Variants in CYTH3 observed in about 807,000 individuals in gnomAD.
CYTH3 encodes the protein cytohesin 3.
In CYTH3, 23 loss-of-function variants were observed where a neutral mutation model predicts 55.1. That is an observed-to-expected ratio of 0.42 (90% confidence interval 0.30 to 0.59). CYTH3 has a LOEUF of 0.59. CYTH3 is among the 20% of genes least tolerant of loss of function. The pLI is 0.20. For synonymous variants in CYTH3, 249 were observed against 194.9 expected, an observed-to-expected ratio of 1.28 and a Z score of -2.31; for missense variants, 413 against 524.8, an observed-to-expected ratio of 0.79 and a Z score of 2.08.
At chr7:6,268,207 T>C (rs1014596571) in intron 1 of CYTH3, among the ~76,000 whole-genome samples, 12 of 152,170 alleles carry the variant, frequency 7.9e-5, no homozygotes. Flanking sequence ...CTCACTCTGT[T>C]GCCCAGACTG....
At chr7:6,252,747 G>C (rs958986831) in intron 1 of CYTH3, among the ~76,000 whole-genome samples, 3 of 152,178 alleles carry the variant, frequency 2.0e-5, no homozygotes, top group African/African-American at 4.8e-5. Context: ...TTAAGGTTTA[G>C]TCTTCATCCA....
At position 6,171,654 on chromosome 7, in the gene CYTH3, G is replaced by A. The variant is rs549894557; in HGVS notation, c.450-340C>T. 2 of 287,296 alleles carry A rather than the reference G, an allele frequency of 7.0e-6. No individual in the cohort carries two copies. The highest frequency in any genetic ancestry group is 8.2e-5 in the Admixed American group (2 of 24,286). The allele number at this position is 287,296 out of a possible 1,614,324, so 17.8% of individuals were successfully genotyped here. On this transcript the variant is annotated intron_variant, in intron 6 of 12. Coordinates refer to ENST00000350796, the MANE Select transcript of CYTH3 (RefSeq NM_004227.4). The surrounding 1 kb of genome is among the most constrained non-coding windows in gnomAD (Gnocchi z 6.7). ...CTGCTGCTGCCAGGTGATCACCAGA[G>A]CCCTGCCTGTCCCGAGCTGCCACCA...
chr7:6,255,865 G>A (rs1236014007), intron 1 of CYTH3, among the ~76,000 whole-genome samples: 4 of 145,276 alleles, frequency 2.8e-5, no homozygotes, highest in Non-Finnish European at 1.5e-5. Flanking sequence ...CCAGGTTAAC[G>A]CGATTCTCCT....
rs1431636702 is a variant in CYTH3 at position 6,167,301 on chromosome 7, C to T, written c.824-1491G>A. Reference sequence around the variant, plus strand: ...AGACCCTGGGGGCAACCTGCCTTGTCCCACAGTCCTCCAGTGAGCAGTGAG... The same window carrying T: ...AGACCCTGGGGGCAACCTGCCTTGTTCCACAGTCCTCCAGTGAGCAGTGAG... On this transcript the variant is annotated intron_variant, in intron 9 of 12. Coordinates refer to ENST00000350796, the MANE Select transcript of CYTH3 (RefSeq NM_004227.4). The surrounding 1 kb of genome is among the most constrained non-coding windows in gnomAD (Gnocchi z 5.5). 6.6e-6 allele frequency among the ~76,000 whole-genome samples: 1 copy of T among 152,232 alleles called. No homozygotes were observed. Among genetic ancestry groups the T allele is most frequent in the East Asian group, 1.9e-4 (1 of 5,200 alleles).
chr7:6,173,314 G>C (rs777448766), intron 6 of CYTH3, among the ~76,000 whole-genome samples: 13 of 152,184 alleles, frequency 8.5e-5, no homozygotes, highest in Non-Finnish European at 1.5e-4. Flanking sequence ...GTGGAAGGAA[G>C]TAACCCCATG....
At chr7:6,221,814 T>C (rs1028906589) in intron 1 of CYTH3, among the ~76,000 whole-genome samples, 3 of 151,802 alleles carry the variant, frequency 2.0e-5, no homozygotes, top group East Asian at 3.9e-4. Flanking sequence ...TAGCCAGACA[T>C]AGTGAGGCGT....
At position 6,163,790 on chromosome 7, in the gene CYTH3, A is replaced by C. The variant is rs371568919; in HGVS notation, c.*1154T>G. ...CATGGGGTGAGACTGTTTTTAGTTA[A>C]TTCTGTGTCTATTCATTAAGAAATC... is the stretch of plus-strand genomic sequence containing the variant. On this transcript the variant is annotated 3_prime_UTR_variant, in exon 13 of 13. Coordinates refer to ENST00000350796, the MANE Select transcript of CYTH3 (RefSeq NM_004227.4). 1.8e-4 allele frequency: 28 copies of C among 152,274 alleles called. No homozygotes were observed. The highest frequency in any genetic ancestry group is 6.8e-3 in the Middle Eastern group (2 of 294). The allele number at this position is 152,274 out of a possible 1,614,324, so 9.4% of individuals were successfully genotyped here. A position where few individuals can be genotyped will look rare whatever the true frequency, so the allele number is the denominator to read the frequency against.
At chr7:6,180,835 T>G (rs1455967985) in intron 4 of CYTH3, among the ~76,000 whole-genome samples, 1 of 152,248 alleles carries the variant, frequency 6.6e-6, no homozygotes, top group Non-Finnish European at 1.5e-5. Context: ...GGTGTGGGTC[T>G]CAATCCAAAG....
intron 9 of CYTH3, among the ~76,000 whole-genome samples, chr7:6,166,289 C>G (rs1056995269): frequency 6.6e-6 from 1 of 152,256 alleles, no homozygotes; most frequent in African/African-American, 2.4e-5. Context: ...CACGTGCACA[C>G]GCACGTACCC....
chr7:6,185,208 C>T (rs1223371167), intron 4 of CYTH3, among the ~76,000 whole-genome samples: 1 of 152,224 alleles, frequency 6.6e-6, no homozygotes, highest in East Asian at 1.9e-4. Context: ...AACCAGAAAG[C>T]AACAGGAAAG....
At chr7:6,206,604 C>T (rs780811488) in intron 1 of CYTH3, among the ~76,000 whole-genome samples, 7 of 152,170 alleles carry the variant, frequency 4.6e-5, no homozygotes, top group Non-Finnish European at 7.3e-5. Context: ...AACATTTGGG[C>T]GCTTTACTTA....
intron 1 of CYTH3, among the ~76,000 whole-genome samples, chr7:6,209,835 G>A (rs925790041): frequency 6.6e-6 from 1 of 152,164 alleles, no homozygotes; most frequent in Non-Finnish European, 1.5e-5. Flanking sequence ...ACTGTATATG[G>A]CTAAGTGAAA....
chr7:6,164,810 G>A lies in CYTH3; in HGVS notation c.*134C>T, dbSNP rs1239327047. On this transcript the variant is annotated 3_prime_UTR_variant, in exon 13 of 13. Coordinates refer to ENST00000350796, the MANE Select transcript of CYTH3 (RefSeq NM_004227.4). ...ACGAGGCCTTGGGGATACCACCTGG[G>A]CCACGGTATGCTCTGGAGCAGCAGC... 1 of 1,012,050 alleles carries A rather than the reference G, an allele frequency of 9.9e-7. No homozygotes were observed. Among genetic ancestry groups the A allele is most frequent in the Non-Finnish European group, 1.5e-6 (1 of 659,570 alleles). 62.7% of individuals were successfully genotyped at this position (1,012,050 alleles called of 1,614,324 possible). A position where few individuals can be genotyped will look rare whatever the true frequency, so the allele number is the denominator to read the frequency against.
intron 1 of CYTH3, among the ~76,000 whole-genome samples, chr7:6,217,792 A>G (rs1784460102): frequency 6.6e-6 from 1 of 152,196 alleles, no homozygotes; most frequent in South Asian, 2.1e-4. Flanking sequence ...ATTGACCCCC[A>G]AAGATATCCA....
intron 1 of CYTH3, among the ~76,000 whole-genome samples, chr7:6,196,526 C>G (rs996656759): frequency 7.2e-6 from 1 of 138,570 alleles, no homozygotes; most frequent in African/African-American, 2.7e-5. Context: ...ATGGCACAAT[C>G]TCAGCTCACT....
chr7:6,179,353 T>C (rs760640548), intron 4 of CYTH3, among the ~76,000 whole-genome samples: 5 of 152,100 alleles, frequency 3.3e-5, no homozygotes, highest in African/African-American at 7.2e-5. Context: ...GTGAATTCCC[T>C]AGGATGAGGC....
At chr7:6,238,229 ATTT>A (rs146448870) in intron 1 of CYTH3, among the ~76,000 whole-genome samples, 3 of 152,126 alleles carry the variant, frequency 2.0e-5, no homozygotes, top group African/African-American at 7.2e-5. Flanking sequence ...TCACTTCAAT[ATTT>A]TTTTAATTGT....
chr7:6,259,769 ATAT>A (rs72437874), intron 1 of CYTH3, among the ~76,000 whole-genome samples: 1,335 of 23,200 alleles, frequency 0.058, 74 homozygotes, highest in East Asian at 0.089. Context: ...ATATATATAT[ATAT>A]TATATATATA....
chr7:6,239,837 A>C (rs895438246), intron 1 of CYTH3, among the ~76,000 whole-genome samples: 1 of 152,200 alleles, frequency 6.6e-6, no homozygotes, highest in African/African-American at 2.4e-5. Context: ...GTAGAAGGAA[A>C]ACTAACACAC....
Sources: allele counts gnomAD v4.1 joint callset (sites outside exome capture counted in the v4.1 genomes callset), GRCh38; gene constraint gnomAD v4.1.1; non-coding constraint Gnocchi (gnomAD v3.1); transcripts MANE v1.5; gene names NCBI Gene and HGNC (gene_info 2026-07-23, HGNC 2026-07-21).